CAMTA1: variants seen among roughly 807,000 people sequenced by gnomAD.
The protein encoded by CAMTA1 is calmodulin binding transcription activator 1, also known as calmodulin-binding transcription activator 1.
CAMTA1 carries 27 observed loss-of-function variants against 170.9 expected under a neutral mutation model. The observed-to-expected ratio is 0.16, with a 90% CI of 0.12 to 0.22. The LOEUF is 0.22. Ranked by LOEUF, CAMTA1 falls within the 10% of genes least tolerant of loss-of-function variation. The pLI is 1.00. For missense variants in CAMTA1, 1,619 were observed against 2,217.2 expected, an observed-to-expected ratio of 0.73 and a Z score of 5.42; for synonymous variants, 833 against 891.5, an observed-to-expected ratio of 0.93 and a Z score of 1.17.
intron 3 of CAMTA1, among the ~76,000 whole-genome samples, chr1:6,924,299 G>A (rs962255203): frequency 5.9e-5 from 9 of 152,246 alleles, no homozygotes; most frequent in African/African-American, 2.2e-4. Flanking sequence ...TGCCAGGAGG[G>A]GCTCAGGCTG....
At chr1:6,924,413 C>G (rs966518066) in intron 3 of CAMTA1, among the ~76,000 whole-genome samples, 3 of 152,090 alleles carry the variant, frequency 2.0e-5, no homozygotes, top group Non-Finnish European at 4.4e-5. Context: ...CCTGCAGGGT[C>G]CTGGAGTCAG....
chr1:7,345,247 A>C (rs76243016), intron 5 of CAMTA1, among the ~76,000 whole-genome samples: 3,259 of 152,296 alleles, frequency 0.021, 115 homozygotes, highest in African/African-American at 0.075. Flanking sequence ...CAGTGTTCTC[A>C]ATATTTCACA....
At chr1:7,442,644 C>T (rs948699492) in intron 5 of CAMTA1, among the ~76,000 whole-genome samples, 4 of 152,150 alleles carry the variant, frequency 2.6e-5, no homozygotes, top group African/African-American at 9.7e-5. Flanking sequence ...GTTTACTCAA[C>T]GCGTGACTTG....
At chr1:7,049,159 C>T (rs564778328) in intron 3 of CAMTA1, among the ~76,000 whole-genome samples, 43 of 152,278 alleles carry the variant, frequency 2.8e-4, no homozygotes, top group African/African-American at 9.9e-4. Context: ...GGTTCATGTA[C>T]GAACTACAGG....
chr1:7,190,791 A>G (rs1297158686), intron 4 of CAMTA1, among the ~76,000 whole-genome samples: 1 of 152,234 alleles, frequency 6.6e-6, no homozygotes, highest in Admixed American at 6.5e-5. Context: ...ACTGGGAGGC[A>G]GACTCCATTC....
At chr1:6,817,977 A>G (rs1343503685) in intron 1 of CAMTA1, among the ~76,000 whole-genome samples, 1 of 152,202 alleles carries the variant, frequency 6.6e-6, no homozygotes, top group East Asian at 1.9e-4. Flanking sequence ...GCACTTGATC[A>G]TGGGCATAAG....
In CAMTA1 at chr1:7,102,166, A is replaced by G. The variant is rs933862715; in HGVS notation, c.302+10795A>G. Among the ~76,000 whole-genome samples the G allele has an allele frequency of 1.9e-4, 29 of 152,272 alleles. 1 individual carries two copies. Among genetic ancestry groups the G allele is most frequent in the African/African-American group, 7.0e-4 (29 of 41,546 alleles). On this transcript the variant is annotated intron_variant, in intron 4 of 22. Coordinates refer to ENST00000303635, the MANE Select transcript of CAMTA1 (RefSeq NM_015215.4). ...CGAGTTGAAATTTTTTGGGTAGAGG[A>G]AATTTTCTCCTCGAAGAAAAAATTA...
intron 3 of CAMTA1, among the ~76,000 whole-genome samples, chr1:6,832,694 G>A (rs145375746): frequency 2.6e-4 from 39 of 152,260 alleles, no homozygotes; most frequent in African/African-American, 9.4e-4. Flanking sequence ...CTTTAGGTAG[G>A]GCTTGGTTTT....
chr1:7,583,683 G>A (rs998983256), intron 6 of CAMTA1, among the ~76,000 whole-genome samples: 3 of 152,194 alleles, frequency 2.0e-5, no homozygotes, highest in African/African-American at 7.2e-5. Context: ...ACCAGACTCT[G>A]AGGGTCGTCT....
At chr1:6,808,423 A>G (rs888043039) in intron 1 of CAMTA1, among the ~76,000 whole-genome samples, 9 of 152,032 alleles carry the variant, frequency 5.9e-5, no homozygotes, top group Non-Finnish European at 1.3e-4. Flanking sequence ...CTTGATTTAG[A>G]AGTTGCACCT....
intron 4 of CAMTA1, among the ~76,000 whole-genome samples, chr1:7,191,264 G>A (rs931064215): frequency 3.9e-5 from 6 of 152,228 alleles, no homozygotes; most frequent in African/African-American, 1.4e-4. Context: ...AATTCTAGAT[G>A]TAAATGGAGA....
intron 11 of CAMTA1, among the ~76,000 whole-genome samples, chr1:7,717,450 T>C (rs188440187): frequency 6.6e-6 from 1 of 152,222 alleles, no homozygotes; most frequent in East Asian, 1.9e-4. Flanking sequence ...TATGTCCATG[T>C]CAAAAAAATT....
chr1:6,862,125 G>T (rs1664946361), intron 3 of CAMTA1, among the ~76,000 whole-genome samples: 1 of 152,078 alleles, frequency 6.6e-6, no homozygotes. Flanking sequence ...ACAATGCCTG[G>T]CTACTTTTTA....
chr1:7,103,559 A>AACACAACTACACACATGTACACAC (rs1643061705), intron 4 of CAMTA1, among the ~76,000 whole-genome samples: 1 of 29,750 alleles, frequency 3.4e-5, no homozygotes, highest in Non-Finnish European at 6.3e-5. Flanking sequence ...CACTACACAC[A>AACACAACTACACACATGTACACAC]TACACACAAC....
At chr1:7,235,789 C>T (rs992313410) in intron 4 of CAMTA1, among the ~76,000 whole-genome samples, 2 of 152,268 alleles carry the variant, frequency 1.3e-5, no homozygotes, top group African/African-American at 2.4e-5. Flanking sequence ...TCTATCTAGT[C>T]GTTTGTTCTC....
intron 4 of CAMTA1, among the ~76,000 whole-genome samples, chr1:7,099,979 G>GCTCA (rs1642529959): frequency 6.6e-6 from 1 of 152,220 alleles, no homozygotes; most frequent in African/African-American, 2.4e-5. Context: ...GCCAGGGGGT[G>GCTCA]GTTGCCTGTC....
chr1:7,026,190 A>G (rs1447919093), intron 3 of CAMTA1, among the ~76,000 whole-genome samples: 1 of 151,412 alleles, frequency 6.6e-6, no homozygotes, highest in African/African-American at 2.4e-5. Flanking sequence ...TGGAAGTGAG[A>G]TGTTTATCCC....
chr1:7,677,841 G>T (rs1318202203), intron 11 of CAMTA1, 108 bp downstream of exon 11: 1 of 1,349,294 alleles, frequency 7.4e-7, no homozygotes, highest in Non-Finnish European at 1.0e-6. Flanking sequence ...GGGGCAGGAA[G>T]TGGTGCCAAT....
chr1:6,942,362 G>A (rs2149435142), intron 3 of CAMTA1, among the ~76,000 whole-genome samples: 1 of 152,252 alleles, frequency 6.6e-6, no homozygotes, highest in African/African-American at 2.4e-5. Flanking sequence ...AAACCCCAGA[G>A]TTAAACCATG....
Sources: allele counts gnomAD v4.1 joint callset (sites outside exome capture counted in the v4.1 genomes callset), GRCh38; gene constraint gnomAD v4.1.1; transcripts MANE v1.5; gene names NCBI Gene and HGNC (gene_info 2026-07-23, HGNC 2026-07-21).